The following SLC25A48 variants were observed in gnomAD, a reference collection of about 807,000 sequenced individuals.
SLC25A48 encodes the protein CTC-321K16.1.
In SLC25A48, 29 loss-of-function variants were observed where a neutral mutation model predicts 32.2. The observed-to-expected ratio is 0.90, with a 90% confidence interval of 0.67 to 1.23. SLC25A48 has a LOEUF of 1.23. Among genes scored for constraint, SLC25A48 ranks in the 50% most tolerant of loss-of-function variants. The pLI, the probability that SLC25A48 is intolerant of heterozygous loss-of-function variation, is 0.00. For synonymous variants in SLC25A48, 164 were observed against 172.3 expected (o/e 0.95, Z 0.38); for missense variants, 399 against 422.7 (o/e 0.94, Z 0.49).
At position 135,715,808 on chromosome 5, in the gene SLC25A48, C is replaced by T. The variant is rs190351154; in HGVS notation, c.-521+80852C>T. 1.4e-4 allele frequency among the ~76,000 whole-genome samples: 21 copies of T among 152,358 alleles called. No homozygotes were observed. The East Asian group carries it at 3.7e-3, about 27-fold the overall frequency. ...TGCCTATAATTAGGCAGCAGTGCCT[C>T]ATTAAAGCCATTTCCTGTATTATAA... On this transcript the variant is annotated intron_variant, in intron 3 of 10. Coordinates refer to the SLC25A48 transcript ENST00000646290.
chr5:135,779,670 G>A (rs533945786), intron 3 of SLC25A48, among the ~76,000 whole-genome samples: 1 of 117,654 alleles, frequency 8.5e-6, no homozygotes, highest in East Asian at 2.1e-4. Context: ...CGAAGGGGAT[G>A]TACAACCACC....
At chr5:135,678,155 A>G (rs577641145) in intron 3 of SLC25A48, among the ~76,000 whole-genome samples, 1 of 152,306 alleles carries the variant, frequency 6.6e-6, no homozygotes, top group East Asian at 1.9e-4. Flanking sequence ...TCAAAAATTC[A>G]AATATTTTTT....
At chr5:135,648,100 AG>A (rs1753015537) in intron 3 of SLC25A48, among the ~76,000 whole-genome samples, 1 of 152,152 alleles carries the variant, frequency 6.6e-6, no homozygotes, top group Admixed American at 6.5e-5. Context: ...TATGAAGTAC[AG>A]GTAGCCTCAA....
At chr5:135,763,478 G>A (rs1180577829) in intron 3 of SLC25A48, among the ~76,000 whole-genome samples, 3 of 152,080 alleles carry the variant, frequency 2.0e-5, no homozygotes, top group Non-Finnish European at 4.4e-5. Flanking sequence ...AGCCTCACTT[G>A]TCCCTGTTTA....
intron 1 of SLC25A48, among the ~76,000 whole-genome samples, chr5:135,602,213 T>C (rs1169071662): frequency 6.6e-6 from 1 of 152,258 alleles, no homozygotes; most frequent in African/African-American, 2.4e-5. Flanking sequence ...TATGTGCTGC[T>C]AAAGGAATTG....
At chr5:135,700,967 C>T (rs1422518779) in intron 3 of SLC25A48, among the ~76,000 whole-genome samples, 2 of 152,204 alleles carry the variant, frequency 1.3e-5, no homozygotes, top group East Asian at 3.8e-4. Flanking sequence ...GCTCACTTTC[C>T]TGCCTTGGAA....
intron 1 of SLC25A48, among the ~76,000 whole-genome samples, chr5:135,625,561 A>T (rs1011633075): frequency 6.6e-6 from 1 of 152,144 alleles, no homozygotes; most frequent in Non-Finnish European, 1.5e-5. Flanking sequence ...CCAGAGCCCA[A>T]CATGGATTGC....
At chr5:135,726,056 G>A (rs1755081492) in intron 3 of SLC25A48, among the ~76,000 whole-genome samples, 1 of 152,218 alleles carries the variant, frequency 6.6e-6, no homozygotes, top group South Asian at 2.1e-4. Context: ...AAGAGACAGT[G>A]TAACTGTTGT....
intron 3 of SLC25A48, among the ~76,000 whole-genome samples, chr5:135,658,888 C>T (rs1219300878): frequency 6.6e-6 from 1 of 152,238 alleles, no homozygotes; most frequent in African/African-American, 2.4e-5. Flanking sequence ...CACAGGGCAC[C>T]ATGTCTTGAG....
chr5:135,688,171 C>T (rs1023837064), intron 3 of SLC25A48, among the ~76,000 whole-genome samples: 1 of 152,210 alleles, frequency 6.6e-6, no homozygotes, highest in African/African-American at 2.4e-5. Context: ...GTATTATGCC[C>T]ATAAGATTCA....
intron 3 of SLC25A48, among the ~76,000 whole-genome samples, chr5:135,671,953 C>G (rs1753665816): frequency 6.6e-6 from 1 of 151,832 alleles, no homozygotes; most frequent in Non-Finnish European, 1.5e-5. Flanking sequence ...AGAGAAGCCC[C>G]CAATCCCTGG....
intron 7 of SLC25A48, among the ~76,000 whole-genome samples, chr5:135,881,798 C>G (rs530204392): frequency 6.6e-6 from 1 of 152,270 alleles, no homozygotes; most frequent in South Asian, 2.1e-4. Flanking sequence ...GTTATTCTTC[C>G]AAGTATGTCT....
At chr5:135,806,035 A>T (rs539226594) in intron 3 of SLC25A48, among the ~76,000 whole-genome samples, 2 of 151,714 alleles carry the variant, frequency 1.3e-5, no homozygotes, top group Middle Eastern at 6.8e-3. Flanking sequence ...ACACTCTGTC[A>T]TGTCATTTGT....
intron 3 of SLC25A48, among the ~76,000 whole-genome samples, chr5:135,752,878 G>A: frequency 6.6e-6 from 1 of 151,890 alleles, no homozygotes; most frequent in East Asian, 1.9e-4. Flanking sequence ...GATATTATGA[G>A]TAATCTTCTA....
intron 3 of SLC25A48, among the ~76,000 whole-genome samples, chr5:135,707,044 G>A (rs1463463964): frequency 1.3e-5 from 2 of 152,200 alleles, no homozygotes; most frequent in East Asian, 1.9e-4. Flanking sequence ...GCTTTGAGAG[G>A]GGGCACTTCC....
intron 3 of SLC25A48, among the ~76,000 whole-genome samples, chr5:135,692,190 C>T (rs1484979280): frequency 2.0e-5 from 3 of 151,880 alleles, no homozygotes; most frequent in African/African-American, 4.8e-5. Flanking sequence ...TGGTGGCATG[C>T]GCCTGTAGTC....
At chr5:135,711,260 AG>A (rs1754656076) in intron 3 of SLC25A48, among the ~76,000 whole-genome samples, 1 of 152,238 alleles carries the variant, frequency 6.6e-6, no homozygotes, top group Non-Finnish European at 1.5e-5. Context: ...GCATCACACA[AG>A]CAACATGCAC....
At chr5:135,655,784 T>G (rs1483806587) in intron 3 of SLC25A48, among the ~76,000 whole-genome samples, 1 of 152,262 alleles carries the variant, frequency 6.6e-6, no homozygotes, top group Non-Finnish European at 1.5e-5. Context: ...ATCCACAGAT[T>G]GCTCAGCTAC....
At chr5:135,869,178 A>G (rs1761453274) in intron 4 of SLC25A48, among the ~76,000 whole-genome samples, 1 of 152,182 alleles carries the variant, frequency 6.6e-6, no homozygotes, top group African/African-American at 2.4e-5. Context: ...CCAAATAAAA[A>G]GTTTTTTCAA....
Sources: allele counts gnomAD v4.1 joint callset (sites outside exome capture counted in the v4.1 genomes callset), GRCh38; gene constraint gnomAD v4.1.1; transcripts MANE v1.5; gene names NCBI Gene and HGNC (gene_info 2026-07-23, HGNC 2026-07-21).